Variants in RSRC1 observed in about 807,000 individuals in gnomAD.
The protein encoded by RSRC1 is arginine and serine rich coiled-coil 1, also known as serine/Arginine-related protein 53.
RSRC1 carries 39 observed loss-of-function variants against 49.1 expected under a neutral mutation model. The observed-to-expected ratio is 0.79, with a 90% CI of 0.61 to 1.04. The LOEUF is 1.04. RSRC1 is among the 50% of genes least tolerant of loss of function. The probability of loss-of-function intolerance (pLI) is 0.00; values close to 1 mark genes in which losing one functional copy is unlikely to be tolerated. For synonymous variants in RSRC1, 143 were observed against 130.8 expected, an observed-to-expected ratio of 1.09 and a Z score of -0.63; for missense variants, 388 against 402.4, an observed-to-expected ratio of 0.96 and a Z score of 0.31.
intron 6 of RSRC1, among the ~76,000 whole-genome samples, chr3:158,364,225 A>G (rs1560011492): frequency 6.6e-6 from 1 of 152,158 alleles, no homozygotes; most frequent in Non-Finnish European, 1.5e-5. Flanking sequence ...CGGGGAGCAT[A>G]GAAAGCTGCT....
At chr3:158,519,071 A>G (rs2117764) in intron 7 of RSRC1, among the ~76,000 whole-genome samples, 46,910 of 151,960 alleles carry the variant, frequency 0.31, 7,424 homozygotes, top group South Asian at 0.41. Context: ...ACTGAACTCA[A>G]CTACACCCAT....
chr3:158,224,292 A>C (rs1722396470), intron 4 of RSRC1, among the ~76,000 whole-genome samples: 1 of 151,842 alleles, frequency 6.6e-6, no homozygotes, highest in South Asian at 2.1e-4. Flanking sequence ...TTAATGTAGA[A>C]TATTTTAAGT....
intron 6 of RSRC1, among the ~76,000 whole-genome samples, chr3:158,405,587 G>C (rs923197715): frequency 2.0e-5 from 3 of 152,064 alleles, no homozygotes; most frequent in African/African-American, 7.2e-5. Flanking sequence ...GAGGGAACTG[G>C]TGTCATGGGT....
At chr3:158,498,643 C>T (rs1053573219) in intron 7 of RSRC1, among the ~76,000 whole-genome samples, 1 of 152,100 alleles carries the variant, frequency 6.6e-6, no homozygotes, top group Non-Finnish European at 1.5e-5. Context: ...ACATCCTTGC[C>T]TAAACCAACG....
intron 7 of RSRC1, among the ~76,000 whole-genome samples, chr3:158,478,148 T>C (rs887842744): frequency 2.0e-5 from 3 of 151,878 alleles, no homozygotes; most frequent in African/African-American, 7.2e-5. Context: ...TAGGATCTTA[T>C]CACTCCTACC....
In RSRC1 at chr3:158,181,112, G is replaced by A. The variant is rs371055230; in HGVS notation, c.321-21960G>A. 2.6e-5 allele frequency among the ~76,000 whole-genome samples: 4 copies of A among 152,172 alleles called. No individual in the cohort carries two copies. In the South Asian group the frequency reaches 8.3e-4, roughly 32 times the overall value. ...AGCCACCGCCCCTGGCCCTATGTAC[G>A]TTTTTAAAAGCTCCCCAGGTAACTG... On this transcript the variant is annotated intron_variant, in intron 3 of 9. Coordinates refer to ENST00000611884, the MANE Select transcript of RSRC1 (RefSeq NM_001271838.2).
intron 6 of RSRC1, among the ~76,000 whole-genome samples, chr3:158,363,995 A>G (rs1257521559): frequency 1.3e-5 from 2 of 152,128 alleles, no homozygotes; most frequent in Non-Finnish European, 2.9e-5. Flanking sequence ...AGTACGCCAT[A>G]AGTGCCTCAC....
intron 4 of RSRC1, among the ~76,000 whole-genome samples, chr3:158,223,129 G>T (rs1258539020): frequency 1.3e-5 from 2 of 151,622 alleles, no homozygotes; most frequent in Non-Finnish European, 3.0e-5. Flanking sequence ...ACAATGTTCA[G>T]CACAGTCCAT....
intron 4 of RSRC1, among the ~76,000 whole-genome samples, chr3:158,249,345 C>A (rs1215610383): frequency 6.6e-6 from 1 of 152,188 alleles, no homozygotes. Context: ...ATTCCTAGAG[C>A]TTTCTATAAA....
chr3:158,498,232 CTT>C (rs56014045), intron 7 of RSRC1, among the ~76,000 whole-genome samples: 17 of 142,734 alleles, frequency 1.2e-4, no homozygotes, highest in Admixed American at 2.1e-4. Flanking sequence ...ATGCCAACAT[CTT>C]TTTTTTTTTT....
intron 4 of RSRC1, among the ~76,000 whole-genome samples, chr3:158,215,718 T>C (rs1331354583): frequency 1.3e-5 from 2 of 151,822 alleles, no homozygotes; most frequent in Admixed American, 1.3e-4. Context: ...CACAGTCTAC[T>C]TAGAATCTGT....
intron 7 of RSRC1, chr3:158,469,498 A>G: frequency 3.2e-6 from 1 of 313,450 alleles, no homozygotes; most frequent in South Asian, 2.8e-5. Context: ...GTCTTTGCAA[A>G]ATGAAACAGT....
chr3:158,421,606 G>A (rs549583861), intron 6 of RSRC1, among the ~76,000 whole-genome samples: 1 of 151,866 alleles, frequency 6.6e-6, no homozygotes, highest in Non-Finnish European at 1.5e-5. Flanking sequence ...TTGTGAGAAG[G>A]TGAAATGATA....
At chr3:158,451,960 C>A (rs569683800) in intron 6 of RSRC1, among the ~76,000 whole-genome samples, 24 of 152,110 alleles carry the variant, frequency 1.6e-4, no homozygotes, top group African/African-American at 5.8e-4. Flanking sequence ...CTAATGCCAT[C>A]TTAAATATAT....
At chr3:158,348,764 C>G (rs1730705198) in intron 5 of RSRC1, among the ~76,000 whole-genome samples, 1 of 152,040 alleles carries the variant, frequency 6.6e-6, no homozygotes, top group Non-Finnish European at 1.5e-5. Context: ...ATCTCTAGAG[C>G]CTGTTTTCTC....
At chr3:158,202,064 G>A (rs1056595970) in intron 3 of RSRC1, among the ~76,000 whole-genome samples, 1 of 152,108 alleles carries the variant, frequency 6.6e-6, no homozygotes, top group African/African-American at 2.4e-5. Context: ...ACCCAGGCTG[G>A]AGTGCAGTGG....
intron 4 of RSRC1, among the ~76,000 whole-genome samples, chr3:158,288,597 C>G (rs1465959570): frequency 1.3e-5 from 2 of 152,112 alleles, no homozygotes; most frequent in African/African-American, 4.8e-5. Flanking sequence ...ACCATCTTCC[C>G]CCGGTATCTG....
intron 3 of RSRC1, among the ~76,000 whole-genome samples, chr3:158,141,900 C>G (rs937806094): frequency 1.3e-5 from 2 of 152,138 alleles, no homozygotes; most frequent in African/African-American, 4.8e-5. Context: ...GAGTTCGAGA[C>G]CAGCCTGGCC....
Position 158,231,277 on chromosome 3 carries a change from A to G in RSRC1, c.494+28032A>G, listed in dbSNP as rs539622142. On this transcript the variant is annotated intron_variant, in intron 4 of 9. Transcript: ENST00000611884. ...CAGCCTCCTAGGTAGCTGGGATTACAGGTGCGTGCCACCACACCCGTCTAA... is the reference window on the plus strand; with the variant it reads ...CAGCCTCCTAGGTAGCTGGGATTACGGGTGCGTGCCACCACACCCGTCTAA... Among the ~76,000 whole-genome samples, 6 of 150,676 alleles carry G rather than the reference A, an allele frequency of 4.0e-5. No individual in the cohort carries two copies. The Admixed American group carries it at 4.0e-4, about 10-fold the overall frequency.
Sources: gnomAD v4.1 joint callset for allele counts (sites outside exome capture counted in the v4.1 genomes callset) on GRCh38, gnomAD v4.1.1 for gene constraint, MANE v1.5 for transcripts, NCBI Gene and HGNC (gene_info 2026-07-23, HGNC 2026-07-21) for gene names.